Variants in CNTNAP3 observed in about 807,000 individuals in gnomAD.
CNTNAP3 encodes contactin associated protein family member 3.
A neutral mutation model predicts 92.1 loss-of-function variants in CNTNAP3; 36 were observed. The observed-to-expected ratio is 0.39, with a 90% CI of 0.30 to 0.52. The LOEUF is 0.52. CNTNAP3 is among the 20% of genes least tolerant of loss of function. The pLI, the probability that CNTNAP3 is intolerant of heterozygous loss-of-function variation, is 0.76. For synonymous variants in CNTNAP3, 232 were observed against 422.3 expected (o/e 0.55, Z 5.53); for missense variants, 534 against 1,069.6 (o/e 0.50, Z 6.98).
At chr9:39,119,512 TCAC>T (rs1820951197) in intron 13 of CNTNAP3, among the ~76,000 whole-genome samples, 2 of 152,154 alleles carry the variant, frequency 1.3e-5, no homozygotes. Context: ...GTTACCGACT[TCAC>T]CATTAAACTG....
chr9:39,153,837 G>A (rs1821893028), intron 9 of CNTNAP3, among the ~76,000 whole-genome samples: 1 of 142,116 alleles, frequency 7.0e-6, no homozygotes. Flanking sequence ...GGGATTACAG[G>A]TGAGAGCCAC....
At chr9:39,099,753 T>C in intron 18 of CNTNAP3, 158 bp downstream of exon 18, 1 of 856,586 alleles carries the variant, frequency 1.2e-6, no homozygotes, top group Non-Finnish European at 1.8e-6. Flanking sequence ...AACAGTCATA[T>C]CCCTTCTAAA....
chr9:39,115,532 G>A, intron 14 of CNTNAP3, among the ~76,000 whole-genome samples: 1 of 119,000 alleles, frequency 8.4e-6, no homozygotes, highest in African/African-American at 3.4e-5. Flanking sequence ...TACAAAAGTT[G>A]GGATAGGATT....
intron 13 of CNTNAP3, 57 bp downstream of exon 13, chr9:39,132,874 GC>G: frequency 6.7e-7 from 1 of 1,493,432 alleles, no homozygotes; most frequent in Non-Finnish European, 8.8e-7. Context: ...GCATCTCGCA[GC>G]CCGAGGGCCG....
rs529912593 is a variant in CNTNAP3, at chr9:39,111,256, A to T, written c.2238-1969T>A. On this transcript the variant is annotated intron_variant, in intron 14 of 23. Transcript: ENST00000297668. ...TAACTATAATTTCTCTAGTTCTATC[A>T]AATACTAGAATTTCTTTTACTTAAC... Among the ~76,000 whole-genome samples the T allele has an allele frequency of 4.3e-3, 648 of 152,250 alleles. 6 individuals carry two copies. The highest frequency in any genetic ancestry group is 0.015 in the African/African-American group (604 of 41,554).
chr9:39,126,531 TG>T (rs1167344431), intron 13 of CNTNAP3, among the ~76,000 whole-genome samples: 4 of 152,164 alleles, frequency 2.6e-5, no homozygotes, highest in African/African-American at 9.7e-5. Flanking sequence ...TGAACATGGA[TG>T]AAGCAATCCT....
intron 8 of CNTNAP3, among the ~76,000 whole-genome samples, chr9:39,168,360 G>C (rs1202452961): frequency 4.8e-5 from 7 of 146,794 alleles, no homozygotes; most frequent in Non-Finnish European, 9.1e-5. Context: ...GTAGAAAATT[G>C]AAAGCAGGCA....
intron 13 of CNTNAP3, among the ~76,000 whole-genome samples, chr9:39,128,375 T>C (rs1821197995): frequency 6.6e-6 from 1 of 152,054 alleles, no homozygotes; most frequent in African/African-American, 2.4e-5. Flanking sequence ...ACATTAGAAA[T>C]GTATTTTTTA....
At chr9:39,147,263 G>A (rs1265416362) in intron 10 of CNTNAP3, among the ~76,000 whole-genome samples, 1 of 137,222 alleles carries the variant, frequency 7.3e-6, no homozygotes, top group African/African-American at 2.7e-5. Context: ...AATACAATTA[G>A]ATTTTTGTTT....
At chr9:39,108,618 G>C (rs1282410275) in intron 15 of CNTNAP3, among the ~76,000 whole-genome samples, 1 of 152,154 alleles carries the variant, frequency 6.6e-6, no homozygotes, top group Non-Finnish European at 1.5e-5. Flanking sequence ...CCCGTGCTAC[G>C]CAGTAGGTAG....
chr9:39,078,494 G>T, intron 22 of CNTNAP3, 38 bp from the exon 23 acceptor site: 2 of 1,612,044 alleles, frequency 1.2e-6, no homozygotes, highest in Non-Finnish European at 1.7e-6. Flanking sequence ...TTATTAGCTT[G>T]ATTTAATCAC....
chr9:39,107,045 A>T (rs1201673101), intron 15 of CNTNAP3, among the ~76,000 whole-genome samples: 2 of 152,138 alleles, frequency 1.3e-5, no homozygotes. Context: ...AGAAGGGACA[A>T]GAAGTATGTG....
At chr9:39,108,057 C>T (rs948606122) in intron 15 of CNTNAP3, among the ~76,000 whole-genome samples, 11 of 151,994 alleles carry the variant, frequency 7.2e-5, no homozygotes, top group African/African-American at 2.2e-4. Flanking sequence ...ACAAAATTTC[C>T]GGGTCAGAGT....
chr9:39,143,039 C>T (rs1333931006), intron 11 of CNTNAP3, among the ~76,000 whole-genome samples: 1 of 151,654 alleles, frequency 6.6e-6, no homozygotes, highest in Admixed American at 6.6e-5. Flanking sequence ...TGCTCAGAAA[C>T]GTCAGTAGAG....
At chr9:39,108,531 G>A (rs1446318368) in intron 15 of CNTNAP3, among the ~76,000 whole-genome samples, 2 of 152,166 alleles carry the variant, frequency 1.3e-5, no homozygotes, top group Admixed American at 6.5e-5. Context: ...CCACGGCAAT[G>A]TATGATGCTA....
intron 14 of CNTNAP3, among the ~76,000 whole-genome samples, chr9:39,115,952 C>CA (rs111934446): frequency 0.098 from 14,859 of 151,512 alleles, 762 homozygotes; most frequent in African/African-American, 0.15. Context: ...AACAAAAAAA[C>CA]AGTTGACCAG....
intron 15 of CNTNAP3, among the ~76,000 whole-genome samples, chr9:39,106,995 A>T (rs1430410546): frequency 6.6e-6 from 1 of 152,134 alleles, no homozygotes; most frequent in Non-Finnish European, 1.5e-5. Context: ...GGGAAAAAAA[A>T]TTGATAGGAT....
intron 10 of CNTNAP3, among the ~76,000 whole-genome samples, chr9:39,146,774 C>T (rs1437507611): frequency 1.3e-5 from 2 of 152,210 alleles, no homozygotes; most frequent in African/African-American, 2.4e-5. Context: ...GTGCCCATTG[C>T]TATTTTTTGT....
chr9:39,122,684 T>C (rs923198417), intron 13 of CNTNAP3, among the ~76,000 whole-genome samples: 1 of 152,222 alleles, frequency 6.6e-6, no homozygotes, highest in Non-Finnish European at 1.5e-5. Flanking sequence ...CAATACAACA[T>C]GTCTGGCTTT....
Sources: gnomAD v4.1 joint callset for allele counts (sites outside exome capture counted in the v4.1 genomes callset) on GRCh38, gnomAD v4.1.1 for gene constraint, MANE v1.5 for transcripts, NCBI Gene and HGNC (gene_info 2026-07-23, HGNC 2026-07-21) for gene names.